The following MID1 variants were observed in gnomAD, a reference collection of about 807,000 sequenced individuals.
The protein encoded by MID1 is E3 ubiquitin-protein ligase Midline-1.
Under a neutral mutation model 40.4 loss-of-function variants are expected in MID1, and 7 were observed. That is an observed-to-expected ratio of 0.17 (90% CI 0.10 to 0.33). MID1 has a LOEUF of 0.33. Ranked by LOEUF, MID1 falls within the 10% of genes least tolerant of loss-of-function variation. MID1 has a pLI of 1.00. For synonymous variants in MID1, 229 were observed against 221.2 expected (o/e 1.04, Z -0.31); for missense variants, 367 against 558.5 (o/e 0.66, Z 3.46).
At chrX:10,534,029 A>G (rs1171748227) in intron 2 of MID1, among the ~76,000 whole-genome samples, 6 of 110,504 alleles carry the variant, frequency 5.4e-5, no homozygotes, top group Non-Finnish European at 1.1e-4. Context: ...CAATCATAAA[A>G]TACACCTTAA....
At chrX:10,567,765 G>C (rs1258204954) in intron 1 of MID1, among the ~76,000 whole-genome samples, 162 bp from the exon 2 acceptor site, 4 of 111,476 alleles carry the variant, frequency 3.6e-5, no homozygotes, top group African/African-American at 9.8e-5. Flanking sequence ...GAAAAAAGGA[G>C]GAAAAAGCAT....
At chrX:10,578,425 C>T (rs1293859730) in intron 1 of MID1, among the ~76,000 whole-genome samples, 2 of 111,790 alleles carry the variant, frequency 1.8e-5, no homozygotes, top group African/African-American at 6.5e-5. Flanking sequence ...GAAGTTGAAA[C>T]ATCAGGAAAG....
intron 1 of MID1, among the ~76,000 whole-genome samples, chrX:10,593,132 C>T (rs112641090): frequency 0.024 from 2,688 of 111,849 alleles, 94 homozygotes; most frequent in African/African-American, 0.083. Context: ...AAAGGTTTGA[C>T]ATTTTAGCAA....
intron 9 of MID1, among the ~76,000 whole-genome samples, chrX:10,452,634 G>A (rs1928412935): frequency 8.9e-6 from 1 of 111,943 alleles, no homozygotes; most frequent in African/African-American, 3.2e-5. Context: ...TTAATCGTAG[G>A]GGGTGCCCCT....
chrX:10,484,933 C>T (rs1287533350), intron 4 of MID1, among the ~76,000 whole-genome samples: 2 of 108,675 alleles, frequency 1.8e-5, no homozygotes, highest in South Asian at 3.9e-4. Context: ...CATGCGTGCA[C>T]GCTGTATTGT....
intron 1 of MID1, among the ~76,000 whole-genome samples, chrX:10,582,606 C>T (rs1170619026): frequency 8.9e-6 from 1 of 111,994 alleles, no homozygotes; most frequent in Non-Finnish European, 1.9e-5. Flanking sequence ...GTGATAAGAA[C>T]TTCCTTACCA....
intron 1 of MID1, among the ~76,000 whole-genome samples, chrX:10,791,755 T>G (rs2043932720): frequency 9.0e-6 from 1 of 111,429 alleles, no homozygotes; most frequent in African/African-American, 3.3e-5. Flanking sequence ...TTGATACACA[T>G]GCATGTGTCA....
At chrX:10,793,869 A>G (rs2043950845) in intron 1 of MID1, among the ~76,000 whole-genome samples, 2 of 111,570 alleles carry the variant, frequency 1.8e-5, no homozygotes, top group South Asian at 7.6e-4. Flanking sequence ...AATTCACTCT[A>G]TTTTAATCCT....
At chrX:10,787,772 C>T (rs997546628) in intron 1 of MID1, among the ~76,000 whole-genome samples, 2 of 105,714 alleles carry the variant, frequency 1.9e-5, no homozygotes, top group Non-Finnish European at 3.9e-5. Context: ...AGGAATTTCC[C>T]CCCCTAAAAT....
intron 1 of MID1, among the ~76,000 whole-genome samples, chrX:10,629,727 G>A (rs1028011577): frequency 8.9e-6 from 1 of 112,482 alleles, no homozygotes; most frequent in Non-Finnish European, 1.9e-5. Context: ...GCTGAATGAT[G>A]TTCCTAGTGG....
intron 1 of MID1, among the ~76,000 whole-genome samples, chrX:10,761,502 T>C (rs1431170098): frequency 8.9e-6 from 1 of 112,086 alleles, no homozygotes; most frequent in Non-Finnish European, 1.9e-5. Flanking sequence ...TCTTTGCTCC[T>C]TGTCTTGGTC....
chrX:10,552,292 G>A (rs1478991855), intron 2 of MID1, among the ~76,000 whole-genome samples: 1 of 110,855 alleles, frequency 9.0e-6, no homozygotes, highest in Non-Finnish European at 1.9e-5. Flanking sequence ...TAGAGGAAGA[G>A]CTGGAAGGAC....
At chrX:10,809,867 G>A (rs771093641) in intron 1 of MID1, among the ~76,000 whole-genome samples, 1 of 109,659 alleles carries the variant, frequency 9.1e-6, no homozygotes, top group East Asian at 2.8e-4. Context: ...TATACATATG[G>A]AACAAACCTG....
intron 7 of MID1, among the ~76,000 whole-genome samples, chrX:10,461,480 A>G (rs1230306440): frequency 9.0e-6 from 1 of 111,438 alleles, no homozygotes; most frequent in Non-Finnish European, 1.9e-5. Context: ...TCTCCTTACT[A>G]TATATCCCTT....
At chrX:10,670,066 C>G (rs2042978321) in intron 1 of MID1, among the ~76,000 whole-genome samples, 1 of 112,081 alleles carries the variant, frequency 8.9e-6, no homozygotes, top group South Asian at 3.7e-4. Context: ...CTGAGATTCT[C>G]CTTCTTCCAC....
intron 1 of MID1, among the ~76,000 whole-genome samples, chrX:10,787,347 T>G (rs867850519): frequency 5.6e-4 from 61 of 109,655 alleles, no homozygotes; most frequent in Middle Eastern, 9.3e-3. Flanking sequence ...AGGGATCTAT[T>G]TTTTTTAAAT....
intron 1 of MID1, among the ~76,000 whole-genome samples, chrX:10,685,558 C>G (rs1416301234): frequency 9.0e-6 from 1 of 111,678 alleles, no homozygotes; most frequent in Non-Finnish European, 1.9e-5. Context: ...GCCTTACACC[C>G]AGAAGGAAGG....
At chrX:10,701,631 G>A (rs1428573647) in intron 1 of MID1, among the ~76,000 whole-genome samples, 1 of 112,419 alleles carries the variant, frequency 8.9e-6, no homozygotes, top group East Asian at 2.8e-4. Flanking sequence ...TTGCTTATTT[G>A]TGTGCCCAAT....
chrX:10,524,373 T>C (rs1034892625), intron 2 of MID1, among the ~76,000 whole-genome samples: 1 of 110,550 alleles, frequency 9.0e-6, no homozygotes, highest in Non-Finnish European at 1.9e-5. Context: ...ACACATAAAA[T>C]AACTAACACT....
Sources: gnomAD v4.1 joint callset for allele counts (sites outside exome capture counted in the v4.1 genomes callset) on GRCh38, gnomAD v4.1.1 for gene constraint, MANE v1.5 for transcripts, NCBI Gene and HGNC (gene_info 2026-07-23, HGNC 2026-07-21) for gene names.